GSG1L: variants seen among roughly 807,000 people sequenced by gnomAD.
The protein encoded by GSG1L is GSG1 like, also known as germ cell-specific gene 1-like protein.
GSG1L carries 24 observed loss-of-function variants against 42.1 expected under a neutral mutation model. The ratio of observed to expected loss-of-function variants is 0.57; its 90% CI spans 0.41 to 0.80. The LOEUF (loss-of-function observed/expected upper bound fraction) is 0.80, where lower values mean the gene tolerates loss of function less well. Among genes scored for constraint, GSG1L ranks in the 30% least tolerant of loss-of-function variants. GSG1L has a pLI of 0.00. For missense variants in GSG1L, 445 were observed against 472.2 expected (o/e 0.94, Z 0.53); for synonymous variants, 215 against 203.5 (o/e 1.06, Z -0.48).
chr16:27,916,882 CAA>C (rs5816452), intron 2 of GSG1L, among the ~76,000 whole-genome samples: 50 of 150,696 alleles, frequency 3.3e-4, no homozygotes, highest in Admixed American at 1.1e-3. Flanking sequence ...TCACTCAATG[CAA>C]AAAAAAAAAT....
At chr16:27,968,986 G>C (rs1213675939) in intron 1 of GSG1L, among the ~76,000 whole-genome samples, 1 of 152,096 alleles carries the variant, frequency 6.6e-6, no homozygotes, top group Non-Finnish European at 1.5e-5. Flanking sequence ...GCACCTGCCT[G>C]TAATCCCAGC....
chr16:27,896,286 T>G (rs528129869), intron 2 of GSG1L, among the ~76,000 whole-genome samples: 16 of 152,304 alleles, frequency 1.1e-4, no homozygotes, highest in Non-Finnish European at 2.1e-4. Context: ...ACTAAGACAT[T>G]TGAATGTGAC....
chr16:27,997,309 CTTTTTTTTTTTTT>C (rs34188570), intron 1 of GSG1L, among the ~76,000 whole-genome samples: 3 of 70,594 alleles, frequency 4.2e-5, no homozygotes, highest in Non-Finnish European at 5.7e-5. Flanking sequence ...GTGTTCTCCA[CTTTTTTTTTTTTT>C]TTTTTTTTTT....
intron 4 of GSG1L, among the ~76,000 whole-genome samples, chr16:27,835,173 G>C (rs183884067): frequency 3.3e-5 from 5 of 152,118 alleles, no homozygotes; most frequent in Admixed American, 2.6e-4. Flanking sequence ...TTCCTTTACA[G>C]ATTTTCAGCT....
intron 2 of GSG1L, among the ~76,000 whole-genome samples, chr16:27,933,394 C>T (rs2084677724): frequency 1.3e-5 from 2 of 152,040 alleles, no homozygotes; most frequent in Admixed American, 1.3e-4. Flanking sequence ...CACCTGGAAT[C>T]CCAGCACTTT....
At chr16:27,890,077 C>G (rs1261482833) in intron 2 of GSG1L, among the ~76,000 whole-genome samples, 5 of 152,186 alleles carry the variant, frequency 3.3e-5, no homozygotes, top group Non-Finnish European at 7.3e-5. Context: ...AGAGTGGCCA[C>G]TTGGAGACCA....
At chr16:27,994,447 C>G (rs2085491627) in intron 1 of GSG1L, among the ~76,000 whole-genome samples, 1 of 152,198 alleles carries the variant, frequency 6.6e-6, no homozygotes, top group Non-Finnish European at 1.5e-5. Context: ...TAACATTGCT[C>G]TAACTCTTGC....
intron 3 of GSG1L, among the ~76,000 whole-genome samples, chr16:27,866,523 A>C (rs901056900): frequency 2.0e-5 from 3 of 152,176 alleles, no homozygotes; most frequent in African/African-American, 7.2e-5. Flanking sequence ...TCCACACCTG[A>C]GCAATCTGCC....
intron 6 of GSG1L, among the ~76,000 whole-genome samples, chr16:27,800,211 G>A (rs748321901): frequency 6.6e-6 from 1 of 152,318 alleles, no homozygotes; most frequent in East Asian, 1.9e-4. Context: ...AATAAAGGAA[G>A]CAACTCGAGC....
At chr16:27,926,166 G>T (rs1227841564) in intron 2 of GSG1L, among the ~76,000 whole-genome samples, 1 of 152,222 alleles carries the variant, frequency 6.6e-6, no homozygotes, top group African/African-American at 2.4e-5. Context: ...GGCATGAGAA[G>T]TCATCACCGA....
At chr16:27,906,797 G>C (rs2084325703) in intron 2 of GSG1L, among the ~76,000 whole-genome samples, 1 of 152,076 alleles carries the variant, frequency 6.6e-6, no homozygotes, top group African/African-American at 2.4e-5. Flanking sequence ...CTTTGCCTCA[G>C]TTTACCCGTC....
At chr16:27,874,440 C>CTTTTTTTTT (rs1455451741) in intron 3 of GSG1L, among the ~76,000 whole-genome samples, 1 of 42,934 alleles carries the variant, frequency 2.3e-5, no homozygotes, top group Admixed American at 4.0e-4. Flanking sequence ...CACAGGAGAG[C>CTTTTTTTTT]CTTTTTTTTT....
At chr16:27,985,581 T>C (rs2141129594) in intron 1 of GSG1L, among the ~76,000 whole-genome samples, 3 of 152,142 alleles carry the variant, frequency 2.0e-5, no homozygotes, top group Middle Eastern at 6.8e-3. Context: ...CGGTGGCTCA[T>C]GCCTGTAATC....
intron 2 of GSG1L, among the ~76,000 whole-genome samples, chr16:27,959,507 G>A (rs2085044237): frequency 1.4e-5 from 2 of 145,620 alleles, no homozygotes; most frequent in South Asian, 4.6e-4. Flanking sequence ...AGACGGGAAG[G>A]GAGGGGGAGG....
chr16:27,874,411 A>G (rs2083859485), intron 3 of GSG1L, among the ~76,000 whole-genome samples: 1 of 147,694 alleles, frequency 6.8e-6, no homozygotes, highest in Admixed American at 6.9e-5. Flanking sequence ...AATCCCAATA[A>G]AAACTCTGGA....
chr16:27,914,200 T>C (rs2084424204), intron 2 of GSG1L, among the ~76,000 whole-genome samples: 1 of 152,226 alleles, frequency 6.6e-6, no homozygotes, highest in South Asian at 2.1e-4. Flanking sequence ...AAATATTATA[T>C]AGTCATCCAA....
At chr16:27,868,146 C>T (rs2083756081) in intron 3 of GSG1L, among the ~76,000 whole-genome samples, 1 of 152,236 alleles carries the variant, frequency 6.6e-6, no homozygotes, top group South Asian at 2.1e-4. Flanking sequence ...CTGCAGACTC[C>T]CCCAGCCCAG....
intron 2 of GSG1L, among the ~76,000 whole-genome samples, chr16:27,892,368 A>G (rs967841654): frequency 4.0e-5 from 6 of 151,738 alleles, no homozygotes; most frequent in African/African-American, 1.5e-4. Flanking sequence ...GGTGGGAGGG[A>G]TCACTGGAGC....
At chr16:27,970,263 C>A (rs983786725) in intron 1 of GSG1L, among the ~76,000 whole-genome samples, 1 of 151,384 alleles carries the variant, frequency 6.6e-6, no homozygotes, top group African/African-American at 2.4e-5. Context: ...GTTGTCATAT[C>A]TTCTTTGTTA....
Sources: allele counts gnomAD v4.1 joint callset (sites outside exome capture counted in the v4.1 genomes callset), GRCh38; gene constraint gnomAD v4.1.1; transcripts MANE v1.5; gene names NCBI Gene and HGNC (gene_info 2026-07-23, HGNC 2026-07-21).